Variants in LRBA observed in about 807,000 individuals in gnomAD.
LRBA encodes LPS responsive beige-like anchor protein.
Under a neutral mutation model 330.0 loss-of-function variants are expected in LRBA, and 176 were observed. That is an observed-to-expected ratio of 0.53 (90% confidence interval 0.47 to 0.60). The LOEUF is 0.60. Among genes scored for constraint, LRBA ranks in the 20% least tolerant of loss-of-function variants. LRBA has a pLI of 0.00. For missense variants in LRBA, 3,259 were observed against 3,444.8 expected (o/e 0.95, Z 1.35); for synonymous variants, 1,230 against 1,193.0 (o/e 1.03, Z -0.64).
intron 28 of LRBA, among the ~76,000 whole-genome samples, chr4:150,843,114 C>T (rs775328732): frequency 3.9e-5 from 6 of 152,134 alleles, no homozygotes; most frequent in Admixed American, 6.5e-5. Context: ...CACCTCACCT[C>T]CTGCTGTGCA....
At chr4:150,743,147 T>C (rs1732243107) in intron 35 of LRBA, among the ~76,000 whole-genome samples, 2 of 152,076 alleles carry the variant, frequency 1.3e-5, no homozygotes, top group South Asian at 4.1e-4. Context: ...TTTTTGTATT[T>C]TTAGTAGAGG....
At chr4:150,837,714 C>T (rs1287098490) in intron 28 of LRBA, among the ~76,000 whole-genome samples, 2 of 152,154 alleles carry the variant, frequency 1.3e-5, no homozygotes, top group African/African-American at 2.4e-5. Flanking sequence ...CTCCTGAATA[C>T]AGCACACTGA....
chr4:150,851,744 A>C (rs1175060274), intron 23 of LRBA, 141 bp downstream of exon 23: 1 of 841,102 alleles, frequency 1.2e-6, no homozygotes, highest in African/African-American at 1.7e-5. Flanking sequence ...GATCTGAAAT[A>C]CAATCTTCAC....
intron 53 of LRBA, among the ~76,000 whole-genome samples, chr4:150,299,943 C>T (rs533351905): frequency 1.3e-5 from 2 of 152,168 alleles, no homozygotes; most frequent in Admixed American, 1.3e-4. Flanking sequence ...TAGGAATACA[C>T]ATAACCTAAA....
At chr4:150,289,749 G>T (rs1030569154) in intron 53 of LRBA, among the ~76,000 whole-genome samples, 1 of 152,028 alleles carries the variant, frequency 6.6e-6, no homozygotes, top group Non-Finnish European at 1.5e-5. Context: ...TCATCAAAAA[G>T]TACATTCAAA....
chr4:150,669,825 C>T (rs1277403340), intron 37 of LRBA, among the ~76,000 whole-genome samples: 1 of 152,076 alleles, frequency 6.6e-6, no homozygotes, highest in Non-Finnish European at 1.5e-5. Flanking sequence ...CTCAGCCTCC[C>T]GAAGTGCTAG....
chr4:150,584,368 G>A, intron 40 of LRBA: 1 of 320,152 alleles, frequency 3.1e-6, no homozygotes. Flanking sequence ...AAGCAATCGG[G>A]CTCCGCCACC....
chr4:150,887,064 GC>G lies in LRBA; in HGVS notation c.2165+5987del, dbSNP rs550033910. 8.5e-5 allele frequency among the ~76,000 whole-genome samples: 13 copies of G among 152,266 alleles called. No homozygotes were observed. In the East Asian group the frequency reaches 2.5e-3, roughly 29 times the overall value. Reference sequence around the variant, plus strand: ...CTGATTTGAATATTATATGTTATATGCATGTATTAATATATCACAATATTGC... The same window carrying G: ...CTGATTTGAATATTATATGTTATATGATGTATTAATATATCACAATATTGC... On this transcript the variant is annotated intron_variant, in intron 17 of 56. Transcript: ENST00000651943.
chr4:150,564,161 C>A (rs897480001), intron 40 of LRBA, among the ~76,000 whole-genome samples: 1 of 152,128 alleles, frequency 6.6e-6, no homozygotes, highest in Non-Finnish European at 1.5e-5. Flanking sequence ...GTAACCAAAA[C>A]AGCATGGTAC....
intron 40 of LRBA, among the ~76,000 whole-genome samples, chr4:150,540,618 T>A (rs1006671714): frequency 6.6e-6 from 1 of 152,256 alleles, no homozygotes; most frequent in African/African-American, 2.4e-5. Context: ...ATGTTTATAA[T>A]ACATTCCTTA....
intron 46 of LRBA, among the ~76,000 whole-genome samples, chr4:150,419,608 T>C (rs1423879257): frequency 6.6e-6 from 1 of 151,578 alleles, no homozygotes; most frequent in African/African-American, 2.4e-5. Context: ...TGGTAAAAAG[T>C]TAGCAATATA....
At chr4:150,391,507 G>T (rs1743924991) in intron 47 of LRBA, among the ~76,000 whole-genome samples, 1 of 152,190 alleles carries the variant, frequency 6.6e-6, no homozygotes, top group Non-Finnish European at 1.5e-5. Context: ...AACATGAGAA[G>T]CATTTCTTAG....
At chr4:150,431,847 A>G (rs1750425623) in intron 46 of LRBA, among the ~76,000 whole-genome samples, 1 of 152,122 alleles carries the variant, frequency 6.6e-6, no homozygotes, top group Non-Finnish European at 1.5e-5. Flanking sequence ...GGAATCACCA[A>G]TGATGCAGAG....
At chr4:151,002,501 G>GT (rs1313259936) in intron 2 of LRBA, among the ~76,000 whole-genome samples, 1 of 151,122 alleles carries the variant, frequency 6.6e-6, no homozygotes, top group African/African-American at 2.4e-5. Context: ...GGAGGCAGAG[G>GT]TTGCAGTGAG....
chr4:150,583,750 C>T lies in LRBA; in HGVS notation c.6330+4298G>A, dbSNP rs544352767. 1.2e-6 allele frequency: 2 copies of T among 1,613,832 alleles called. No individual in the cohort carries two copies. The highest frequency in any genetic ancestry group is 4.5e-5 in the East Asian group (2 of 44,848). On this transcript the variant is annotated intron_variant, in intron 40 of 56. Coordinates refer to ENST00000651943, the MANE Select transcript of LRBA (RefSeq NM_001364905.1). The surrounding 1 kb of genome is among the most constrained non-coding windows in gnomAD (Gnocchi z 9.8). ...ACAGTTCGGGGAGGCGGAGAACCGC[C>T]TGCTGATGGGCGGCTGCCGAAACAA...
At chr4:150,787,569 C>T (rs1739267028) in intron 34 of LRBA, among the ~76,000 whole-genome samples, 1 of 151,896 alleles carries the variant, frequency 6.6e-6, no homozygotes, top group South Asian at 2.1e-4. Context: ...TTATGGGGTA[C>T]ATGAGATGTT....
chr4:150,443,811 T>C (rs1431262742), intron 44 of LRBA, among the ~76,000 whole-genome samples: 1 of 146,738 alleles, frequency 6.8e-6, no homozygotes, highest in African/African-American at 2.5e-5. Flanking sequence ...TAAACCTGCA[T>C]GTTGTGCACA....
rs528245743 is a variant in LRBA at position 150,746,671 on chromosome 4, C to T, written c.5646-11305G>A. On this transcript the variant is annotated intron_variant, in intron 35 of 56. Coordinates refer to ENST00000651943, the MANE Select transcript of LRBA (RefSeq NM_001364905.1). Reference sequence around the variant, plus strand: ...GACTACCAGAGCCCACCACCATGCCCGGCTAATTTTTTATATTTTTAGTAC... The same window carrying T: ...GACTACCAGAGCCCACCACCATGCCTGGCTAATTTTTTATATTTTTAGTAC... Among the ~76,000 whole-genome samples, 387 of 151,976 alleles carry T rather than the reference C, an allele frequency of 2.5e-3. 1 individual carries two copies. The highest frequency in any genetic ancestry group is 8.9e-3 in the African/African-American group (368 of 41,472).
At chr4:150,360,087 C>T (rs1254782725) in intron 47 of LRBA, among the ~76,000 whole-genome samples, 1 of 152,024 alleles carries the variant, frequency 6.6e-6, no homozygotes, top group East Asian at 1.9e-4. Context: ...CCAGTTTTGT[C>T]CAACAGATAT....
Sources: allele counts gnomAD v4.1 joint callset (sites outside exome capture counted in the v4.1 genomes callset), GRCh38; gene constraint gnomAD v4.1.1; non-coding constraint Gnocchi (gnomAD v3.1); transcripts MANE v1.5; gene names NCBI Gene and HGNC (gene_info 2026-07-23, HGNC 2026-07-21).